Variants in CDKAL1 observed in about 807,000 individuals in gnomAD.
CDKAL1 encodes CDKAL1 threonylcarbamoyladenosine tRNA methylthiotransferase.
CDKAL1 carries 32 observed loss-of-function variants against 68.2 expected under a neutral mutation model. The ratio of observed to expected loss-of-function variants is 0.47; its 90% CI spans 0.35 to 0.63. The LOEUF (loss-of-function observed/expected upper bound fraction) is 0.63. Among genes scored for constraint, CDKAL1 ranks in the 30% least tolerant of loss-of-function variants. The probability of loss-of-function intolerance (pLI) is 0.00; values close to 1 mark genes in which losing one functional copy is unlikely to be tolerated. For missense variants in CDKAL1, 606 were observed against 696.7 expected (o/e 0.87, Z 1.47); for synonymous variants, 234 against 244.3 (o/e 0.96, Z 0.39).
chr6:21,065,944 A>G (rs1299713834), intron 12 of CDKAL1, among the ~76,000 whole-genome samples: 3 of 151,970 alleles, frequency 2.0e-5, no homozygotes, highest in Non-Finnish European at 2.9e-5. Context: ...TTTGTTTCTA[A>G]TAACTATTAG....
intron 4 of CDKAL1, among the ~76,000 whole-genome samples, chr6:20,585,320 G>C (rs1765305571): frequency 6.6e-6 from 1 of 152,162 alleles, no homozygotes; most frequent in Non-Finnish European, 1.5e-5. Flanking sequence ...CCAAAGTGCT[G>C]GGATTACAGG....
chr6:21,145,418 G>A (rs970554321), intron 13 of CDKAL1, among the ~76,000 whole-genome samples: 4 of 152,094 alleles, frequency 2.6e-5, no homozygotes, highest in Admixed American at 1.3e-4. Flanking sequence ...AAACTGGTTA[G>A]CAACATCCCA....
At chr6:20,609,395 C>CG (rs1766505020) in intron 4 of CDKAL1, among the ~76,000 whole-genome samples, 1 of 104,430 alleles carries the variant, frequency 9.6e-6, no homozygotes, top group Non-Finnish European at 2.0e-5. Context: ...TCTTCTTCTT[C>CG]TTCTTCTTTT....
intron 13 of CDKAL1, among the ~76,000 whole-genome samples, chr6:21,152,784 T>C (rs1776472658): frequency 6.6e-6 from 1 of 152,244 alleles, no homozygotes; most frequent in Non-Finnish European, 1.5e-5. Context: ...TTTGTGATCT[T>C]TGTTTAACAG....
At chr6:20,796,886 T>G (rs1201982882) in intron 8 of CDKAL1, among the ~76,000 whole-genome samples, 1 of 152,184 alleles carries the variant, frequency 6.6e-6, no homozygotes, top group East Asian at 1.9e-4. Context: ...TTTTTCTTAT[T>G]CAATTCATGA....
intron 12 of CDKAL1, among the ~76,000 whole-genome samples, chr6:21,073,854 T>C (rs561555926): frequency 1.6e-4 from 24 of 149,920 alleles, no homozygotes; most frequent in African/African-American, 5.9e-4. Context: ...TGTTTATTAT[T>C]TTGTTTATTT....
At chr6:21,103,935 G>T (rs1471079865) in intron 12 of CDKAL1, among the ~76,000 whole-genome samples, 1 of 152,158 alleles carries the variant, frequency 6.6e-6, no homozygotes, top group African/African-American at 2.4e-5. Flanking sequence ...TCAGCTTTTC[G>T]TTTCAGTTAA....
chr6:21,085,190 A>C (rs902017921), intron 12 of CDKAL1, among the ~76,000 whole-genome samples: 2 of 152,208 alleles, frequency 1.3e-5, no homozygotes, highest in African/African-American at 4.8e-5. Context: ...TTTTGCCTGT[A>C]ATCACCCAAA....
In CDKAL1 at chr6:21,230,989, T is replaced by C. The variant is rs763077225; in HGVS notation, c.1690T>C (p.Leu564=). Reference sequence around the variant, plus strand: ...CTGTGCGCTGAGGATGTCCGTGGGCTTGGCTCTGCTGGGTCTTCTTTTTGC... The same window carrying C: ...CTGTGCGCTGAGGATGTCCGTGGGCCTGGCTCTGCTGGGTCTTCTTTTTGC... ...QDCALRMSVG[L]ALLGLLFAFF... is the part of the protein sequence containing the mutation. Residue 564 remains leucine, a synonymous_variant, in exon 16 of 16, where the codon TTG becomes CTG. Coordinates refer to ENST00000274695, the MANE Select transcript of CDKAL1 (RefSeq NM_017774.3). The C allele has an allele frequency of 6.2e-7, 1 of 1,612,862 alleles. No individual in the cohort carries two copies. The highest frequency in any genetic ancestry group is 8.5e-7 in the Non-Finnish European group (1 of 1,179,060).
At chr6:20,631,541 C>T (rs993923082) in intron 4 of CDKAL1, among the ~76,000 whole-genome samples, 3 of 152,118 alleles carry the variant, frequency 2.0e-5, no homozygotes, top group African/African-American at 7.2e-5. Context: ...TTTTTGCAAC[C>T]ATCTCTTCTC....
At chr6:20,633,104 A>T (rs767139504) in intron 4 of CDKAL1, among the ~76,000 whole-genome samples, 1 of 152,242 alleles carries the variant, frequency 6.6e-6, no homozygotes, top group Non-Finnish European at 1.5e-5. Context: ...AAATTCACTC[A>T]TTTGAAATAC....
At chr6:21,162,416 T>C (rs529592334) in intron 13 of CDKAL1, among the ~76,000 whole-genome samples, 2 of 152,342 alleles carry the variant, frequency 1.3e-5, no homozygotes, top group Admixed American at 1.3e-4. Context: ...GCTGAACCTC[T>C]GATGGAAAAC....
At chr6:20,628,907 T>C (rs1031308762) in intron 4 of CDKAL1, among the ~76,000 whole-genome samples, 1 of 152,292 alleles carries the variant, frequency 6.6e-6, no homozygotes, top group Middle Eastern at 3.4e-3. Flanking sequence ...AGCTGTTTAC[T>C]TGATGCCCCA....
intron 4 of CDKAL1, among the ~76,000 whole-genome samples, chr6:20,562,615 G>A (rs983664277): frequency 5.3e-5 from 8 of 151,922 alleles, no homozygotes; most frequent in Admixed American, 2.0e-4. Flanking sequence ...GGTGGTGGGC[G>A]CCTGTAATCC....
intron 9 of CDKAL1, among the ~76,000 whole-genome samples, chr6:20,871,014 T>C (rs1280606309): frequency 6.6e-6 from 1 of 152,192 alleles, no homozygotes; most frequent in Non-Finnish European, 1.5e-5. Context: ...TTACTAATAC[T>C]GCGCATTCCT....
chr6:20,677,978 TC>T (rs1770194046), intron 5 of CDKAL1, among the ~76,000 whole-genome samples: 1 of 152,172 alleles, frequency 6.6e-6, no homozygotes, highest in Non-Finnish European at 1.5e-5. Flanking sequence ...CTTCCTGATG[TC>T]CTTTATTTGT....
intron 15 of CDKAL1, among the ~76,000 whole-genome samples, chr6:21,210,672 C>T (rs12664336): frequency 0.19 from 28,801 of 152,030 alleles, 2,894 homozygotes; most frequent in South Asian, 0.32. Context: ...AATTGGTTGG[C>T]GTTAGATCAT....
intron 9 of CDKAL1, among the ~76,000 whole-genome samples, chr6:20,888,353 A>G (rs1407021394): frequency 1.2e-5 from 1 of 84,732 alleles, no homozygotes; most frequent in East Asian, 3.9e-4. Flanking sequence ...TATGTGCCAC[A>G]TCTTCTTTTT....
intron 6 of CDKAL1, among the ~76,000 whole-genome samples, chr6:20,742,473 T>G (rs1005366062): frequency 6.6e-6 from 1 of 152,180 alleles, no homozygotes; most frequent in Non-Finnish European, 1.5e-5. Flanking sequence ...ACTTAACCTT[T>G]GCATCTTTTA....
Sources: gnomAD v4.1 joint callset for allele counts (sites outside exome capture counted in the v4.1 genomes callset) on GRCh38, gnomAD v4.1.1 for gene constraint, MANE v1.5 for transcripts, NCBI Gene and HGNC (gene_info 2026-07-23, HGNC 2026-07-21) for gene names.